CRACD: variants seen among roughly 807,000 people sequenced by gnomAD.
CRACD encodes capping protein inhibiting regulator of actin dynamics, also known as capping protein-inhibiting regulator of actin dynamics.
Under a neutral mutation model 106.8 loss-of-function variants are expected in CRACD, and 56 were observed. The ratio of observed to expected loss-of-function variants is 0.52; its 90% CI spans 0.42 to 0.66. CRACD has a LOEUF of 0.66. CRACD is among the 30% of genes least tolerant of loss of function. The pLI is 0.00. For missense variants in CRACD, 1,730 were observed against 1,623.2 expected (o/e 1.07, Z -1.13); for synonymous variants, 754 against 670.8 (o/e 1.12, Z -1.92).
chr4:56,149,117 A>G (rs867462259), intron 1 of CRACD, among the ~76,000 whole-genome samples: 1 of 152,112 alleles, frequency 6.6e-6, no homozygotes, highest in African/African-American at 2.4e-5. Flanking sequence ...TGCCCGGCCT[A>G]TCCTTGGATT....
intron 1 of CRACD, among the ~76,000 whole-genome samples, chr4:56,096,631 T>TAAA (rs34745267): frequency 1.5e-4 from 22 of 146,490 alleles, no homozygotes; most frequent in Middle Eastern, 3.5e-3. Context: ...GACCTTGTCT[T>TAAA]AAAAAAAAAA....
chr4:56,206,908 A>G (rs777066380), intron 2 of CRACD, among the ~76,000 whole-genome samples: 1 of 152,152 alleles, frequency 6.6e-6, no homozygotes, highest in Non-Finnish European at 1.5e-5. Context: ...CCAGTTGAAG[A>G]GACACCATTT....
chr4:56,303,024 C>G (rs1744458782), intron 4 of CRACD, among the ~76,000 whole-genome samples: 1 of 152,194 alleles, frequency 6.6e-6, no homozygotes, highest in South Asian at 2.1e-4. Flanking sequence ...ACTCTCCCTT[C>G]TGTTTATACT....
At chr4:56,214,681 C>CTCTATATATATATATATA in intron 2 of CRACD, among the ~76,000 whole-genome samples, 5 of 80,994 alleles carry the variant, frequency 6.2e-5, no homozygotes, top group African/African-American at 1.7e-4. Context: ...CTCTCTCTCT[C>CTCTATATATATATATATA]TATATATATA....
intron 1 of CRACD, among the ~76,000 whole-genome samples, chr4:56,072,639 A>G (rs1732699238): frequency 6.6e-6 from 1 of 151,586 alleles, no homozygotes; most frequent in South Asian, 2.1e-4. Context: ...AAGTCCTGGG[A>G]TACATGTGCA....
At chr4:56,125,764 C>CTTCTTTTTTTTTTTTTTTT (rs1420481544) in intron 1 of CRACD, among the ~76,000 whole-genome samples, 1 of 73,298 alleles carries the variant, frequency 1.4e-5, no homozygotes, top group African/African-American at 5.4e-5. Flanking sequence ...CATTCTTCTT[C>CTTCTTTTTTTTTTTTTTTT]TTTTTTTTTT....
chr4:56,230,818 G>A (rs917715713), intron 2 of CRACD, among the ~76,000 whole-genome samples: 1 of 152,170 alleles, frequency 6.6e-6, no homozygotes, highest in African/African-American at 2.4e-5. Flanking sequence ...TTTTCTGTGA[G>A]CCTACAACTA....
At chr4:56,104,518 C>G (rs1733880583) in intron 1 of CRACD, among the ~76,000 whole-genome samples, 1 of 152,198 alleles carries the variant, frequency 6.6e-6, no homozygotes, top group Non-Finnish European at 1.5e-5. Context: ...GTCACATTTT[C>G]TGTTTAGCTT....
intron 2 of CRACD, among the ~76,000 whole-genome samples, chr4:56,194,376 A>G (rs1431719548): frequency 6.6e-6 from 1 of 152,218 alleles, no homozygotes; most frequent in Non-Finnish European, 1.5e-5. Context: ...TAAGCCAAGG[A>G]AGCAGCTAAG....
At chr4:56,281,455 G>A (rs1356951797) in intron 3 of CRACD, among the ~76,000 whole-genome samples, 1 of 152,118 alleles carries the variant, frequency 6.6e-6, no homozygotes, top group Non-Finnish European at 1.5e-5. Flanking sequence ...TGTGGTAAAT[G>A]CAGCAGAACA....
At chr4:56,121,837 C>G (rs554838158) in intron 1 of CRACD, among the ~76,000 whole-genome samples, 1 of 152,262 alleles carries the variant, frequency 6.6e-6, no homozygotes, top group South Asian at 2.1e-4. Flanking sequence ...AAAACATGCT[C>G]ATTTGAAGCT....
intron 2 of CRACD, among the ~76,000 whole-genome samples, chr4:56,219,655 T>C (rs973627301): frequency 1.3e-5 from 2 of 152,220 alleles, no homozygotes; most frequent in African/African-American, 2.4e-5. Context: ...CATGCCCTGC[T>C]GAAATCAATA....
chr4:56,077,218 C>T lies in CRACD; in HGVS notation c.-336+27919C>T, dbSNP rs145477593. Among the ~76,000 whole-genome samples the T allele has an allele frequency of 5.7e-3, 871 of 152,308 alleles. 9 individuals carry two copies. The highest frequency in any genetic ancestry group is 0.02 in the African/African-American group (817 of 41,558). ...ACTTACAATCATGGCTGGAAGGCAA[C>T]TCTTTACAGGGTGGCAGCAGAGAGA... On this transcript the variant is annotated intron_variant, in intron 1 of 10. Transcript: ENST00000682029.
intron 1 of CRACD, among the ~76,000 whole-genome samples, chr4:56,127,086 G>A (rs369120522): frequency 6.6e-6 from 1 of 152,122 alleles, no homozygotes; most frequent in Non-Finnish European, 1.5e-5. Context: ...AGTAGGTTAG[G>A]TGCTCTTATG....
At chr4:56,201,775 C>T (rs879690564) in intron 2 of CRACD, among the ~76,000 whole-genome samples, 8 of 152,124 alleles carry the variant, frequency 5.3e-5, no homozygotes, top group Non-Finnish European at 1.0e-4. Context: ...TACCCATGAA[C>T]TATGAGAGTG....
At chr4:56,108,841 A>G (rs1243407752) in intron 1 of CRACD, among the ~76,000 whole-genome samples, 3 of 152,208 alleles carry the variant, frequency 2.0e-5, no homozygotes, top group East Asian at 1.9e-4. Context: ...TATTTCTTCT[A>G]CTTCTATCTA....
intron 1 of CRACD, among the ~76,000 whole-genome samples, chr4:56,117,707 A>G (rs997813763): frequency 6.6e-6 from 1 of 152,224 alleles, no homozygotes; most frequent in African/African-American, 2.4e-5. Context: ...TTTTAACATA[A>G]TACAAAAATT....
At chr4:56,137,677 A>G (rs373795550) in intron 1 of CRACD, among the ~76,000 whole-genome samples, 1 of 152,236 alleles carries the variant, frequency 6.6e-6, no homozygotes. Context: ...TGTTGAAACA[A>G]GATTGTAGAT....
chr4:56,321,485 A>G (rs936793820), intron 8 of CRACD, among the ~76,000 whole-genome samples: 5 of 152,342 alleles, frequency 3.3e-5, no homozygotes, highest in African/African-American at 1.2e-4. Context: ...TGACCTTCCC[A>G]AGCAAGTTCA....
Sources: allele counts gnomAD v4.1 joint callset (sites outside exome capture counted in the v4.1 genomes callset), GRCh38; gene constraint gnomAD v4.1.1; transcripts MANE v1.5; gene names NCBI Gene and HGNC (gene_info 2026-07-23, HGNC 2026-07-21).